KLHL31: variants seen among roughly 807,000 people sequenced by gnomAD.
The protein encoded by KLHL31 is kelch like family member 31.
In KLHL31, 32 loss-of-function variants were observed where a neutral mutation model predicts 47.1. That is an observed-to-expected ratio of 0.68 (90% CI 0.51 to 0.91). KLHL31 has a LOEUF of 0.91. Ranked by LOEUF, KLHL31 falls within the 40% of genes least tolerant of loss-of-function variation. The pLI is 0.00. For synonymous variants in KLHL31, 330 were observed against 325.1 expected (o/e 1.01, Z -0.16); for missense variants, 797 against 819.3 (o/e 0.97, Z 0.33).
chr6:53,660,582 G>C (rs1764630181), intron 1 of KLHL31, among the ~76,000 whole-genome samples: 2 of 152,182 alleles, frequency 1.3e-5, no homozygotes, highest in Non-Finnish European at 2.9e-5. Flanking sequence ...GGGAGGCCGA[G>C]GCGGGTGGAT....
At chr6:53,664,229 A>AGGCAGTGTTAGTATAAGTT (rs1764687352) in intron 1 of KLHL31, among the ~76,000 whole-genome samples, 1 of 152,084 alleles carries the variant, frequency 6.6e-6, no homozygotes, top group Admixed American at 6.5e-5. Context: ...TAGTATAAGT[A>AGGCAGTGTTAGTATAAGTT]TGTCCCAGGC....
intron 1 of KLHL31, among the ~76,000 whole-genome samples, chr6:53,656,547 A>G (rs1432534908): frequency 6.6e-6 from 1 of 152,154 alleles, no homozygotes; most frequent in Admixed American, 6.5e-5. Context: ...GCATATTTAT[A>G]TATTTATATA....
rs1264046765 is a variant in KLHL31 at position 53,650,371 on chromosome 6, C to G, written c.*1227G>C. The G allele has an allele frequency of 6.6e-6, 1 of 152,088 alleles. No homozygotes were observed. The highest frequency in any genetic ancestry group is 2.4e-5 in the African/African-American group (1 of 41,406). 9.4% of individuals were successfully genotyped at this position (152,088 alleles called of 1,614,324 possible). A position where few individuals can be genotyped will look rare whatever the true frequency, so the allele number is the denominator to read the frequency against. On this transcript the variant is annotated 3_prime_UTR_variant, in exon 3 of 3. Transcript: ENST00000370905. ...GTACACTTTGATTATAAATCCAAAG[C>G]TCATTTGGAGCAGATGAGATTAATA... is the stretch of plus-strand genomic sequence containing the variant.
intron 1 of KLHL31, among the ~76,000 whole-genome samples, chr6:53,665,150 T>C (rs1045496390): frequency 2.0e-5 from 3 of 152,136 alleles, no homozygotes; most frequent in Non-Finnish European, 2.9e-5. Context: ...TTAAAACTGG[T>C]AACATTTCAT....
chr6:53,663,554 G>A (rs956431557), intron 1 of KLHL31, among the ~76,000 whole-genome samples: 4 of 152,062 alleles, frequency 2.6e-5, no homozygotes, highest in Non-Finnish European at 4.4e-5. Flanking sequence ...ATCATTTTTT[G>A]TTTAAAAGCA....
intron 1 of KLHL31, among the ~76,000 whole-genome samples, chr6:53,657,994 C>A (rs538069617): frequency 7.9e-5 from 12 of 152,224 alleles, no homozygotes; most frequent in African/African-American, 2.9e-4. Context: ...AGATTATGAA[C>A]CCTCTATCAT....
chr6:53,656,023 A>G (rs1012312859), intron 1 of KLHL31, among the ~76,000 whole-genome samples: 2 of 152,256 alleles, frequency 1.3e-5, no homozygotes, highest in African/African-American at 4.8e-5. Context: ...TCAGTAAAAT[A>G]CTAAAATTCA....
At chr6:53,658,055 T>G (rs997516497) in intron 1 of KLHL31, among the ~76,000 whole-genome samples, 8 of 152,352 alleles carry the variant, frequency 5.3e-5, no homozygotes, top group African/African-American at 1.9e-4. Flanking sequence ...TTTGTTGGAT[T>G]TTCTGGGAGA....
In KLHL31 at chr6:53,651,068, TG is replaced by T. The variant is rs1355760171; in HGVS notation, c.*529del. The T allele has an allele frequency of 6.6e-6, 1 of 152,224 alleles. No individual in the cohort carries two copies. Among genetic ancestry groups the T allele is most frequent in the Non-Finnish European group, 1.5e-5 (1 of 68,104 alleles). The allele number at this position is 152,224 out of a possible 1,614,324, so 9.4% of individuals were successfully genotyped here. ...TCAAAATCCTTTACTCAATCACATATGGGGGGAAAATTGCGTTGAAATACAG... is the reference window on the plus strand; with the variant it reads ...TCAAAATCCTTTACTCAATCACATATGGGGGAAAATTGCGTTGAAATACAG... On this transcript the variant is annotated 3_prime_UTR_variant, in exon 3 of 3. Transcript: ENST00000370905.
chr6:53,659,002 T>C (rs1333940809), intron 1 of KLHL31, among the ~76,000 whole-genome samples: 1 of 152,186 alleles, frequency 6.6e-6, no homozygotes, highest in Non-Finnish European at 1.5e-5. Flanking sequence ...TGAAGTCTAA[T>C]GAGGAGCCTG....
Position 53,655,104 on chromosome 6 carries a change from G to A in KLHL31, c.169C>T (p.Pro57Ser). 1 of 1,614,132 alleles carries A rather than the reference G, an allele frequency of 6.2e-7. No individual in the cohort carries two copies. Among genetic ancestry groups the A allele is most frequent in the South Asian group, 1.1e-5 (1 of 91,068 alleles). ...SSELTDASYG[P>S]NLLEGLSKMR... ...TTACTTAAACCTTCCAAGAGGTTGG[G>A]GCCATAAGAAGCATCTGTTAGTTCA... Residue 57 changes from proline to serine, a missense_variant, in exon 2 of 3, where the codon CCC becomes TCC. Physicochemically the swap from Pro to Ser is moderately conservative, Grantham distance 74 (BLOSUM62 -1). Coordinates refer to ENST00000370905, the MANE Select transcript of KLHL31 (RefSeq NM_001003760.5).
At chr6:53,665,515 T>C (rs1764706133) in intron 1 of KLHL31, 86 bp downstream of exon 1, 1 of 152,044 alleles carries the variant, frequency 6.6e-6, no homozygotes, top group African/African-American at 2.4e-5. Flanking sequence ...CCACAAACAC[T>C]CAGCCCACCC....
chr6:53,659,784 T>TA (rs1764619782), intron 1 of KLHL31, among the ~76,000 whole-genome samples: 1 of 152,210 alleles, frequency 6.6e-6, no homozygotes, highest in African/African-American at 2.4e-5. Context: ...CTAGAAGGAC[T>TA]AAGAAATCTC....
chr6:53,651,922 C>A lies in KLHL31; in HGVS notation c.1581G>T (p.Gly527=). The change falls in exon 3 of 3, where the codon GGG becomes GGT. Residue 527 remains glycine, a synonymous_variant. Coordinates refer to ENST00000370905, the MANE Select transcript of KLHL31 (RefSeq NM_001003760.5). ...CCACGGTGAGCACGTCCACGCGCTC[C>A]CCGCGCGGCCCCAGCTGGCTGCCGC... ...VMGGSQLGPR[G]ERVDVLTVEC... is the part of the protein sequence containing the mutation. 6.3e-7 allele frequency: 1 copy of A among 1,589,024 alleles called. No homozygotes were observed. The highest frequency in any genetic ancestry group is 8.5e-7 in the Non-Finnish European group (1 of 1,174,166).
chr6:53,660,833 C>T (rs1021863739), intron 1 of KLHL31, among the ~76,000 whole-genome samples: 1 of 152,112 alleles, frequency 6.6e-6, no homozygotes, highest in Non-Finnish European at 1.5e-5. Context: ...AGAAAAGAAA[C>T]CGTTGAAATC....
At position 53,654,227 on chromosome 6, in the gene KLHL31, G is replaced by A. The variant is rs1447156615; in HGVS notation, c.1046C>T (p.Thr349Met). The A allele has an allele frequency of 5.0e-6, 8 of 1,614,144 alleles. No individual in the cohort carries two copies. Among genetic ancestry groups the A allele is most frequent in the Middle Eastern group, 1.6e-4 (1 of 6,062 alleles). Residue 349 changes from threonine (T) to methionine (M), a missense_variant, in exon 2 of 3, where the codon ACG becomes ATG. Coordinates refer to ENST00000370905, the MANE Select transcript of KLHL31 (RefSeq NM_001003760.5). ...ATTAAAACTTTTGGCTGGCATTTCC[G>A]TAAGCTTGCTCCATCCATTTTCAGG... ...RDPENGWSKL[T>M]EMPAKSFNQC... is the part of the protein sequence containing the mutation.
chr6:53,659,006 G>C (rs1448071120), intron 1 of KLHL31, among the ~76,000 whole-genome samples: 2 of 152,164 alleles, frequency 1.3e-5, no homozygotes, highest in East Asian at 3.8e-4. Flanking sequence ...GTCTAATGAG[G>C]AGCCTGTAAC....
At chr6:53,664,343 G>C (rs911598388) in intron 1 of KLHL31, among the ~76,000 whole-genome samples, 4 of 152,114 alleles carry the variant, frequency 2.6e-5, no homozygotes, top group African/African-American at 7.2e-5. Flanking sequence ...ATCAGGGCTG[G>C]GTATCAGGTG....
intron 2 of KLHL31, among the ~76,000 whole-genome samples, chr6:53,653,704 C>T (rs751598454): frequency 2.0e-4 from 30 of 152,120 alleles, no homozygotes; most frequent in Non-Finnish European, 4.0e-4. Flanking sequence ...TTATTCTATT[C>T]TTTCTTACTA....
Sources: allele counts gnomAD v4.1 joint callset (sites outside exome capture counted in the v4.1 genomes callset), GRCh38; gene constraint gnomAD v4.1.1; transcripts MANE v1.5; gene names NCBI Gene and HGNC (gene_info 2026-07-23, HGNC 2026-07-21).